Variants in MBTD1 observed in about 807,000 individuals in gnomAD.
MBTD1 encodes mbt domain containing 1.
A neutral mutation model predicts 87.8 loss-of-function variants in MBTD1; 24 were observed. The observed-to-expected ratio is 0.27, with a 90% confidence interval of 0.20 to 0.38. MBTD1 has a LOEUF of 0.38. Ranked by LOEUF, MBTD1 falls within the 10% of genes least tolerant of loss-of-function variation. MBTD1 has a pLI of 1.00. For synonymous variants in MBTD1, 237 were observed against 248.6 expected (o/e 0.95, Z 0.44); for missense variants, 436 against 760.2 (o/e 0.57, Z 5.02).
intron 2 of MBTD1, chr17:51,251,818 T>G (rs1308451629): frequency 1.3e-5 from 2 of 152,286 alleles, no homozygotes; most frequent in Non-Finnish European, 2.9e-5. Context: ...CAAGCTGCAG[T>G]GCAGTGGCAT....
chr17:51,246,619 T>C (rs1398961052), intron 2 of MBTD1, among the ~76,000 whole-genome samples: 1 of 152,164 alleles, frequency 6.6e-6, no homozygotes. Context: ...AATCTTTTCT[T>C]CTTTTTCCAC....
chr17:51,225,107 C>T lies in MBTD1; in HGVS notation c.55G>A (p.Glu19Lys), dbSNP rs1488460124. The T allele has an allele frequency of 3.2e-6, 5 of 1,551,530 alleles. No individual in the cohort carries two copies. Among genetic ancestry groups the T allele is most frequent in the South Asian group, 1.2e-5 (1 of 84,030 alleles). ...GGAGCGACTTCTTCCTCACTCTCTT[C>T]GGAGCTGGAGCTGCTGCTTGTGTCC... ...SEDTSSSSSS[E>K]ESEEEVAPLP... is the part of the protein sequence containing the mutation. Residue 19 changes from glutamate (E) to lysine (K), a missense_variant, in exon 3 of 17, where the codon GAA (glutamate) becomes AAA (lysine). Glu to Lys is a moderately conservative substitution (Grantham distance 56, BLOSUM62 1). Transcript: ENST00000586178.
intron 6 of MBTD1, among the ~76,000 whole-genome samples, chr17:51,213,376 G>A (rs2052371304): frequency 6.6e-6 from 1 of 152,214 alleles, no homozygotes; most frequent in Middle Eastern, 3.4e-3. Flanking sequence ...GACATCAACT[G>A]AAGGCTCTGC....
At chr17:51,217,503 A>T (rs2052635722) in intron 5 of MBTD1, 87 bp from the exon 6 acceptor site, 1 of 617,694 alleles carries the variant, frequency 1.6e-6, no homozygotes, top group Non-Finnish European at 2.7e-6. Flanking sequence ...GTGAAAGGAC[A>T]TAAAATTAAT....
intron 2 of MBTD1, among the ~76,000 whole-genome samples, chr17:51,225,971 G>T (rs2053193584): frequency 6.6e-6 from 1 of 151,218 alleles, no homozygotes; most frequent in Non-Finnish European, 1.5e-5. Context: ...TAGAGACAGG[G>T]TTTTGCCATG....
intron 1 of MBTD1, among the ~76,000 whole-genome samples, chr17:51,259,426 A>C (rs1329704080): frequency 2.0e-5 from 3 of 152,022 alleles, no homozygotes; most frequent in African/African-American, 4.8e-5. Flanking sequence ...CTTCCCCTGC[A>C]AAGCAACGAA....
At chr17:51,228,899 G>C (rs1401476314) in intron 2 of MBTD1, among the ~76,000 whole-genome samples, 1 of 145,162 alleles carries the variant, frequency 6.9e-6, no homozygotes, top group Non-Finnish European at 1.5e-5. Context: ...GTCCTTCTCG[G>C]GGGTGGGTGG....
intron 12 of MBTD1, among the ~76,000 whole-genome samples, chr17:51,196,100 TG>T (rs1297039441): frequency 1.3e-5 from 2 of 152,076 alleles, no homozygotes; most frequent in Non-Finnish European, 2.9e-5. Context: ...TTTGTAGAGA[TG>T]GGGTCTCACC....
chr17:51,203,997 A>G (rs188522943), intron 7 of MBTD1, 72 bp from the exon 8 acceptor site: 3 of 1,249,774 alleles, frequency 2.4e-6, no homozygotes, highest in African/African-American at 1.5e-5. Flanking sequence ...ATCTGATAGC[A>G]GTTGTCAAAC....
At chr17:51,253,504 C>T (rs377611021) in intron 2 of MBTD1, among the ~76,000 whole-genome samples, 3 of 151,968 alleles carry the variant, frequency 2.0e-5, no homozygotes, top group East Asian at 1.9e-4. Flanking sequence ...TAAAATATAT[C>T]ACAATATGAC....
Position 51,225,204 on chromosome 17 carries a change from T to G in MBTD1, c.-43A>C. On this transcript the variant is annotated 5_prime_UTR_variant, in exon 3 of 17. Transcript: ENST00000586178. ...TTTTCCTTTCAGATCGTGAAGAATG[T>G]TCAGTCTTTGAAGTAAGAGAAACCA... 1 of 1,505,016 alleles carries G rather than the reference T, an allele frequency of 6.6e-7. No individual in the cohort carries two copies. Among genetic ancestry groups the G allele is most frequent in the Non-Finnish European group, 8.9e-7 (1 of 1,122,940 alleles). The allele number at this position is 1,505,016 out of a possible 1,614,324, so 93.2% of individuals were successfully genotyped here.
intron 6 of MBTD1, among the ~76,000 whole-genome samples, chr17:51,216,957 TTGGGAGGCAAAGG>T (rs1386713282): frequency 1.6e-4 from 24 of 152,172 alleles, no homozygotes; most frequent in African/African-American, 5.5e-4. Context: ...TCCCAGCATT[TTGGGAGGCAAAGG>T]TGGGAGGACT....
Position 51,213,458 on chromosome 17 carries a change from C to G in MBTD1, c.486+3876G>C, listed in dbSNP as rs549251846. Among the ~76,000 whole-genome samples the G allele has an allele frequency of 2.0e-5, 3 of 151,808 alleles. No individual in the cohort carries two copies. The South Asian group carries it at 6.2e-4, about 32-fold the overall frequency. The stretch of plus-strand genomic sequence containing the variant: ...TGATCTATACATTGCACCTAACTGG[C>G]ATATAATACTGTATTACTATTTTGG... On this transcript the variant is annotated intron_variant, in intron 6 of 16. Coordinates refer to ENST00000586178, the MANE Select transcript of MBTD1 (RefSeq NM_017643.3).
chr17:51,192,771 T>C lies in MBTD1; in HGVS notation c.1690+11A>G, dbSNP rs2050876202. The C allele has an allele frequency of 1.9e-6, 3 of 1,613,478 alleles. No individual in the cohort carries two copies. Among genetic ancestry groups the C allele is most frequent in the African/African-American group, 1.3e-5 (1 of 74,922 alleles). On this transcript the variant is annotated intron_variant, in intron 15 of 16. Transcript: ENST00000586178. ...TTTACAAAAGGACACCTTTTCTGTA[T>C]ACCAACTTACACTGTGATGCTGGAG...
intron 13 of MBTD1, 132 bp downstream of exon 13, chr17:51,195,082 G>A (rs1598300013): frequency 1.6e-6 from 1 of 631,864 alleles, no homozygotes. Context: ...TACAGCTCCT[G>A]TATGTATATG....
intron 2 of MBTD1, among the ~76,000 whole-genome samples, chr17:51,246,936 G>T (rs975479680): frequency 1.3e-4 from 19 of 151,902 alleles, no homozygotes; most frequent in African/African-American, 4.6e-4. Flanking sequence ...CACTGCACCT[G>T]GCCATTTGTT....
intron 3 of MBTD1, 141 bp downstream of exon 3, chr17:51,224,867 G>GT (rs1319117075): frequency 4.2e-6 from 2 of 472,794 alleles, no homozygotes; most frequent in African/African-American, 4.0e-5. Flanking sequence ...CCAACTCAGT[G>GT]ATCTTATCTC....
intron 16 of MBTD1, 68 bp downstream of exon 16, chr17:51,192,135 C>T (rs1022243461): frequency 2.2e-5 from 24 of 1,107,060 alleles, no homozygotes; most frequent in Admixed American, 4.1e-5. Flanking sequence ...CATTTTCTGT[C>T]CAAGAATACT....
At chr17:51,238,358 TC>T (rs1236745382) in intron 2 of MBTD1, among the ~76,000 whole-genome samples, 3 of 152,210 alleles carry the variant, frequency 2.0e-5, no homozygotes, top group Non-Finnish European at 4.4e-5. Context: ...TTCACTTTTT[TC>T]TCAGGAGATG....
Sources: allele counts gnomAD v4.1 joint callset (sites outside exome capture counted in the v4.1 genomes callset), GRCh38; gene constraint gnomAD v4.1.1; transcripts MANE v1.5; gene names NCBI Gene and HGNC (gene_info 2026-07-23, HGNC 2026-07-21).